Variants in KDM4B observed in about 807,000 individuals in gnomAD.
The protein encoded by KDM4B is lysine-specific demethylase 4B.
A neutral mutation model predicts 125.2 loss-of-function variants in KDM4B; 32 were observed. The ratio of observed to expected loss-of-function variants is 0.26; its 90% CI spans 0.19 to 0.34. The LOEUF is 0.34. KDM4B is among the 10% of genes least tolerant of loss of function. KDM4B has a pLI of 1.00. For synonymous variants in KDM4B, 721 were observed against 677.9 expected (o/e 1.06, Z -0.99); for missense variants, 1,190 against 1,577.7 (o/e 0.75, Z 4.16).
At position 5,086,190 on chromosome 19, in the gene KDM4B, C is replaced by G. The variant is rs553986177; in HGVS notation, c.918+3686C>G. Among the ~76,000 whole-genome samples the G allele has an allele frequency of 4.0e-5, 6 of 151,724 alleles. No individual in the cohort carries two copies. In the South Asian group the frequency reaches 1.0e-3, roughly 26 times the overall value. ...CACCTTCCTTGACCGCTAGGGACCC[C>G]TGCCCCCCCCCACCCCGTTGTCCCC... On this transcript the variant is annotated intron_variant, in intron 9 of 22. Coordinates refer to ENST00000159111, the MANE Select transcript of KDM4B (RefSeq NM_015015.3).
rs184586052 is a variant in KDM4B, at chr19:4,986,804, G to A, written c.-109+17574G>A. 1.2e-3 allele frequency among the ~76,000 whole-genome samples: 182 copies of A among 152,356 alleles called. 2 individuals are homozygous for A. The highest frequency in any genetic ancestry group is 3.5e-3 in the African/African-American group (146 of 41,588). ...GCAGCACGTGCGGAGGCCCCAAGGC[G>A]GAACGAGGCGCAGCTCACTGAGCTG... is the stretch of plus-strand genomic sequence containing the variant. On this transcript the variant is annotated intron_variant, in intron 1 of 22. Coordinates refer to ENST00000159111, the MANE Select transcript of KDM4B (RefSeq NM_015015.3).
chr19:5,059,213 G>A (rs1233877531), intron 6 of KDM4B, among the ~76,000 whole-genome samples: 1 of 152,248 alleles, frequency 6.6e-6, no homozygotes, highest in African/African-American at 2.4e-5. Flanking sequence ...GGAGATGGCA[G>A]CAAATCTGCG....
rs1396769726 is a variant in KDM4B at position 5,131,394 on chromosome 19, T to C, written c.1634T>C (p.Val545Ala). The change falls in exon 12 of 23, where the codon GTG (valine) becomes GCG (alanine). Residue 545 changes from valine (V) to alanine (A), a missense_variant. This residue lies in a region of KDM4B where 428 missense variants were observed against 405.1 expected (regional missense o/e 1.06). Transcript: ENST00000159111. Reference sequence around the variant, plus strand: ...AAGGCAGCCTTCAACCAGGAGCACGTGTCCTGCCAGCAGGCCTTTGAGCAC... The same window carrying C: ...AAGGCAGCCTTCAACCAGGAGCACGCGTCCTGCCAGCAGGCCTTTGAGCAC... ...PGKAAFNQEH[V>A]SCQQAFEHFA... The C allele has an allele frequency of 1.2e-6, 2 of 1,611,556 alleles. No homozygotes were observed. The highest frequency in any genetic ancestry group is 1.7e-6 in the Non-Finnish European group (2 of 1,179,672).
intron 2 of KDM4B, among the ~76,000 whole-genome samples, chr19:5,027,634 G>A (rs867204171): frequency 6.8e-6 from 1 of 147,296 alleles, no homozygotes; most frequent in Non-Finnish European, 1.5e-5. Context: ...TCTGCCTCCC[G>A]GGTTCAAGCA....
At chr19:4,999,193 T>A (rs2035292969) in intron 1 of KDM4B, among the ~76,000 whole-genome samples, 1 of 152,188 alleles carries the variant, frequency 6.6e-6, no homozygotes, top group South Asian at 2.1e-4. Flanking sequence ...CCTTGTTCCT[T>A]TCTTATTTCT....
chr19:5,114,206 G>T lies in KDM4B; in HGVS notation c.1115+3388G>T. On this transcript the variant is annotated intron_variant, in intron 10 of 22. Coordinates refer to ENST00000159111, the MANE Select transcript of KDM4B (RefSeq NM_015015.3). The surrounding 1 kb of genome is among the most constrained non-coding windows in gnomAD (Gnocchi z 5.8). The stretch of plus-strand genomic sequence containing the variant: ...TCTTTCCACGCGAGAAGCGCCATGT[G>T]CACGTGCTCCAGCAGGTACGCGCTC... The T allele has an allele frequency of 2.3e-6, 3 of 1,289,716 alleles. No homozygotes were observed. The highest frequency in any genetic ancestry group is 3.0e-6 in the Non-Finnish European group (3 of 988,858). 79.9% of individuals were successfully genotyped at this position (1,289,716 alleles called of 1,614,324 possible).
intron 9 of KDM4B, among the ~76,000 whole-genome samples, chr19:5,091,027 G>C (rs1264280244): frequency 6.6e-6 from 1 of 152,166 alleles, no homozygotes; most frequent in Non-Finnish European, 1.5e-5. Flanking sequence ...ATTACTAATG[G>C]GGCAGATCAA....
intron 11 of KDM4B, among the ~76,000 whole-genome samples, chr19:5,120,658 C>T (rs562804032): frequency 2.0e-5 from 3 of 152,354 alleles, no homozygotes; most frequent in East Asian, 3.9e-4. Context: ...CCAGGGTTGA[C>T]AGCATTTTGT....
chr19:5,114,358 C>A lies in KDM4B; in HGVS notation c.1115+3540C>A. 1.5e-6 allele frequency: 1 copy of A among 688,710 alleles called. No individual in the cohort carries two copies. 42.7% of individuals were successfully genotyped at this position (688,710 alleles called of 1,614,324 possible). ...GCTCGGTGCTGCCTGTCCCCTCCTG[C>A]TCTGCCTTGGCCTGTCGCCCCTGCG... On this transcript the variant is annotated intron_variant, in intron 10 of 22. Transcript: ENST00000159111. This position sits in a 1 kb window ranked among gnomAD's most constrained non-coding sequence, Gnocchi z 5.8.
chr19:5,059,191 G>C (rs1314896307), intron 6 of KDM4B, among the ~76,000 whole-genome samples: 1 of 152,240 alleles, frequency 6.6e-6, no homozygotes, highest in African/African-American at 2.4e-5. Flanking sequence ...GCGGGGTTCA[G>C]CTCCCCAGAA....
chr19:5,054,001 A>T (rs1462693196), intron 6 of KDM4B, among the ~76,000 whole-genome samples: 1 of 152,238 alleles, frequency 6.6e-6, no homozygotes, highest in Non-Finnish European at 1.5e-5. Flanking sequence ...TCTGCTTCTG[A>T]TGGCGACTGT....
Position 5,082,320 on chromosome 19 carries a change from T to A in KDM4B, c.781-47T>A, listed in dbSNP as rs2038324641. On this transcript the variant is annotated intron_variant, in intron 8 of 22. Coordinates refer to ENST00000159111, the MANE Select transcript of KDM4B (RefSeq NM_015015.3). This position sits in a 1 kb window ranked among gnomAD's most constrained non-coding sequence, Gnocchi z 5.4. ...GAAGTGCCCACGTCCCATCCCCTGG[T>A]GCGCCTCTGGTGGCCCTGCCCTCAC... The A allele has an allele frequency of 1.2e-6, 2 of 1,610,688 alleles. No homozygotes were observed. Among genetic ancestry groups the A allele is most frequent in the Non-Finnish European group, 1.7e-6 (2 of 1,178,784 alleles).
intron 1 of KDM4B, among the ~76,000 whole-genome samples, chr19:5,010,231 C>T (rs141612919): frequency 3.5e-4 from 53 of 152,334 alleles, no homozygotes; most frequent in African/African-American, 1.3e-3. Context: ...AGGAACTTCC[C>T]TTGGCTTTCA....
intron 6 of KDM4B, among the ~76,000 whole-genome samples, chr19:5,064,337 G>A (rs375997558): frequency 6.6e-6 from 1 of 152,098 alleles, no homozygotes; most frequent in Non-Finnish European, 1.5e-5. Flanking sequence ...GCGAAGGCCC[G>A]TCTGCCCAGG....
intron 20 of KDM4B, 110 bp from the exon 21 acceptor site, chr19:5,144,673 G>C: frequency 6.7e-7 from 1 of 1,484,576 alleles, no homozygotes. Context: ...GCCAGCTTTG[G>C]GGCTTCAGGC....
chr19:5,137,475 C>T, intron 16 of KDM4B, 137 bp downstream of exon 16: 1 of 1,197,248 alleles, frequency 8.4e-7, no homozygotes, highest in Non-Finnish European at 1.2e-6. Context: ...GGGTGGAACC[C>T]AAGGGATTCC....
intron 1 of KDM4B, among the ~76,000 whole-genome samples, chr19:4,999,811 A>G (rs2035314953): frequency 1.5e-5 from 2 of 136,132 alleles, no homozygotes; most frequent in Non-Finnish European, 3.1e-5. Flanking sequence ...CTATCCATCT[A>G]TCCACCCGTC....
At chr19:5,077,916 G>T (rs2038170279) in intron 8 of KDM4B, 1 of 178,136 alleles carries the variant, frequency 5.6e-6, no homozygotes, top group African/African-American at 2.4e-5. Flanking sequence ...ATGTCACCCG[G>T]CCGTGGAGAG....
intron 5 of KDM4B, among the ~76,000 whole-genome samples, chr19:5,046,280 C>T (rs549169171): frequency 9.8e-5 from 15 of 152,352 alleles, no homozygotes; most frequent in African/African-American, 2.4e-4. Context: ...ACTTTTACAG[C>T]GGGGGAAACA....
Sources: gnomAD v4.1 joint callset for allele counts (sites outside exome capture counted in the v4.1 genomes callset) on GRCh38, gnomAD v4.1.1 for gene constraint, gnomAD v4.1.1 regional missense constraint, Gnocchi (gnomAD v3.1) non-coding constraint, MANE v1.5 for transcripts, NCBI Gene and HGNC (gene_info 2026-07-23, HGNC 2026-07-21) for gene names.